The following HTR1E variants were observed in gnomAD, a reference collection of about 807,000 sequenced individuals.
HTR1E encodes 5-hydroxytryptamine receptor 1E.
A neutral mutation model predicts 3.4 loss-of-function variants in HTR1E; 3 were observed. The observed-to-expected ratio is 0.89, with a 90% CI of 0.41 to 2.31. The LOEUF (loss-of-function observed/expected upper bound fraction) is 2.31, where lower values mean the gene tolerates loss of function less well. HTR1E is among the 30% of genes most tolerant of loss of function. The pLI, the probability that HTR1E is intolerant of heterozygous loss-of-function variation, is 0.05. For synonymous variants in HTR1E, 170 were observed against 182.8 expected, an observed-to-expected ratio of 0.93 and a Z score of 0.56; for missense variants, 392 against 467.0, an observed-to-expected ratio of 0.84 and a Z score of 1.48.
chr6:86,946,228 C>T (rs1768615054), intron 1 of HTR1E, among the ~76,000 whole-genome samples: 1 of 152,156 alleles, frequency 6.6e-6, no homozygotes, highest in Admixed American at 6.5e-5. Flanking sequence ...TCACCCAGAG[C>T]AGCTTCTAAT....
intron 1 of HTR1E, among the ~76,000 whole-genome samples, chr6:86,999,711 G>A (rs538874103): frequency 3.3e-5 from 5 of 152,242 alleles, no homozygotes; most frequent in South Asian, 2.1e-4. Flanking sequence ...TTGGAATAGC[G>A]CTTGGGAAAT....
At chr6:86,952,661 T>C (rs964895163) in intron 1 of HTR1E, among the ~76,000 whole-genome samples, 2 of 152,126 alleles carry the variant, frequency 1.3e-5, no homozygotes, top group Admixed American at 6.6e-5. Context: ...AATCCTAAAA[T>C]GTCATCAATG....
At chr6:87,000,857 A>G (rs1288545615) in intron 1 of HTR1E, among the ~76,000 whole-genome samples, 2 of 152,230 alleles carry the variant, frequency 1.3e-5, no homozygotes, top group African/African-American at 2.4e-5. Flanking sequence ...TTATAACCCT[A>G]TAATTGTGGT....
At chr6:86,958,761 T>A (rs1386027945) in intron 1 of HTR1E, among the ~76,000 whole-genome samples, 1 of 152,212 alleles carries the variant, frequency 6.6e-6, no homozygotes, top group Non-Finnish European at 1.5e-5. Context: ...CTATTTCTTA[T>A]TTGTTAGAGA....
chr6:87,009,528 C>A (rs1272640913), intron 1 of HTR1E, among the ~76,000 whole-genome samples: 9 of 149,874 alleles, frequency 6.0e-5, no homozygotes, highest in Non-Finnish European at 1.2e-4. Context: ...CCTTTCTATT[C>A]CACAAAGCCG....
chr6:87,004,813 G>C (rs1768078550), intron 1 of HTR1E, among the ~76,000 whole-genome samples: 1 of 152,058 alleles, frequency 6.6e-6, no homozygotes, highest in Non-Finnish European at 1.5e-5. Flanking sequence ...CTTGTTTATA[G>C]ATAATATGAT....
intron 1 of HTR1E, among the ~76,000 whole-genome samples, chr6:86,955,946 T>C (rs1240097758): frequency 6.6e-6 from 1 of 151,876 alleles, no homozygotes; most frequent in Non-Finnish European, 1.5e-5. Flanking sequence ...AAAGTAAACC[T>C]GAAAAACTAG....
intron 1 of HTR1E, among the ~76,000 whole-genome samples, chr6:86,992,933 G>A (rs1767891183): frequency 6.6e-6 from 1 of 152,058 alleles, no homozygotes; most frequent in Non-Finnish European, 1.5e-5. Flanking sequence ...TCAGTGGTGG[G>A]TGTGGCTAAG....
At chr6:86,974,515 C>G (rs1439140353) in intron 1 of HTR1E, among the ~76,000 whole-genome samples, 1 of 152,120 alleles carries the variant, frequency 6.6e-6, no homozygotes, top group Non-Finnish European at 1.5e-5. Context: ...TCTAGTGTCT[C>G]CTCATGACTA....
intron 1 of HTR1E, among the ~76,000 whole-genome samples, chr6:87,010,375 C>T (rs1768198620): frequency 7.6e-6 from 1 of 131,996 alleles, no homozygotes. Flanking sequence ...CTGACCCCCC[C>T]ATCTCCCTCC....
intron 1 of HTR1E, among the ~76,000 whole-genome samples, chr6:86,966,432 A>G (rs528920656): frequency 1.4e-4 from 22 of 152,338 alleles, no homozygotes; most frequent in Admixed American, 5.2e-4. Context: ...GTCCTGAGCC[A>G]AAGTGGACAG....
At chr6:86,943,603 G>T (rs1768573469) in intron 1 of HTR1E, among the ~76,000 whole-genome samples, 2 of 152,158 alleles carry the variant, frequency 1.3e-5, no homozygotes, top group Admixed American at 1.3e-4. Context: ...ACTGCACCTT[G>T]TGTTATACTA....
chr6:87,001,471 C>G (rs1768022831), intron 1 of HTR1E, among the ~76,000 whole-genome samples: 2 of 152,286 alleles, frequency 1.3e-5, no homozygotes, highest in Admixed American at 1.3e-4. Context: ...CTGCTTGCCA[C>G]AGAGAAAGTC....
At chr6:87,001,147 A>G (rs1768017976) in intron 1 of HTR1E, among the ~76,000 whole-genome samples, 1 of 152,162 alleles carries the variant, frequency 6.6e-6, no homozygotes, top group Non-Finnish European at 1.5e-5. Flanking sequence ...AAAATCAAAA[A>G]ATATATAACA....
chr6:87,009,763 G>A (rs1483384485), intron 1 of HTR1E, among the ~76,000 whole-genome samples: 5 of 138,258 alleles, frequency 3.6e-5, no homozygotes, highest in South Asian at 4.6e-4. Context: ...CAGTAGGGGC[G>A]GCTGGCCGGG....
chr6:86,977,305 C>A (rs1175725592), intron 1 of HTR1E, among the ~76,000 whole-genome samples: 2 of 152,242 alleles, frequency 1.3e-5, no homozygotes, highest in East Asian at 3.9e-4. Context: ...TATGTTCCTG[C>A]ATTAATTTGC....
intron 1 of HTR1E, among the ~76,000 whole-genome samples, chr6:86,986,242 T>C (rs1767784783): frequency 6.6e-6 from 1 of 152,226 alleles, no homozygotes. Context: ...TTACTATATA[T>C]GCTTTTTTTC....
intron 1 of HTR1E, among the ~76,000 whole-genome samples, chr6:86,998,619 C>T (rs1222307668): frequency 6.6e-6 from 1 of 151,782 alleles, no homozygotes; most frequent in Non-Finnish European, 1.5e-5. Flanking sequence ...TTGTTACTGA[C>T]AAAATGTTTT....
At chr6:86,959,511 T>C (rs1033938318) in intron 1 of HTR1E, among the ~76,000 whole-genome samples, 3 of 152,100 alleles carry the variant, frequency 2.0e-5, no homozygotes, top group Non-Finnish European at 4.4e-5. Flanking sequence ...TGAACCCAGA[T>C]GGTCAAGGCT....
Sources: allele counts gnomAD v4.1 joint callset (sites outside exome capture counted in the v4.1 genomes callset), GRCh38; gene constraint gnomAD v4.1.1; transcripts MANE v1.5; gene names NCBI Gene and HGNC (gene_info 2026-07-23, HGNC 2026-07-21).